Variants in NELL1 observed in about 807,000 individuals in gnomAD.
NELL1 encodes the protein neural EGFL like 1.
Under a neutral mutation model 107.4 loss-of-function variants are expected in NELL1, and 76 were observed. The observed-to-expected ratio is 0.71, with a 90% CI of 0.59 to 0.86. NELL1 has a LOEUF of 0.86. Ranked by LOEUF, NELL1 falls within the 40% of genes least tolerant of loss-of-function variation. The pLI, the probability that NELL1 is intolerant of heterozygous loss-of-function variation, is 0.00. For missense variants in NELL1, 1,024 were observed against 1,005.5 expected (o/e 1.02, Z -0.25); for synonymous variants, 353 against 341.2 (o/e 1.03, Z -0.38).
At chr11:21,414,806 C>T (rs1052375875) in intron 15 of NELL1, among the ~76,000 whole-genome samples, 10 of 152,022 alleles carry the variant, frequency 6.6e-5, no homozygotes, top group African/African-American at 2.4e-5. Context: ...CCCAGATAAT[C>T]CCGGAATAGT....
chr11:21,290,329 A>G (rs1264046397), intron 14 of NELL1, among the ~76,000 whole-genome samples: 1 of 152,008 alleles, frequency 6.6e-6, no homozygotes, highest in Non-Finnish European at 1.5e-5. Flanking sequence ...AGATTGCGCC[A>G]CCGCACTCCA....
intron 2 of NELL1, among the ~76,000 whole-genome samples, chr11:20,761,190 A>G (rs1354912756): frequency 6.6e-6 from 1 of 152,158 alleles, no homozygotes; most frequent in African/African-American, 2.4e-5. Flanking sequence ...TGAAGTGTCA[A>G]TGGTAAGGTG....
chr11:21,326,049 G>GTTTTTGTTTTT (rs1850125089), intron 14 of NELL1, among the ~76,000 whole-genome samples: 1 of 37,384 alleles, frequency 2.7e-5, no homozygotes, highest in Non-Finnish European at 4.7e-5. Context: ...GTTAATCCTA[G>GTTTTTGTTTTT]TTTTTTTTTT....
At chr11:21,327,579 T>A (rs549927072) in intron 14 of NELL1, among the ~76,000 whole-genome samples, 36 of 152,206 alleles carry the variant, frequency 2.4e-4, no homozygotes, top group Non-Finnish European at 4.6e-4. Flanking sequence ...ATACAGTAAA[T>A]TTGTACTGTG....
At chr11:20,983,782 T>TA (rs1380135656) in intron 12 of NELL1, among the ~76,000 whole-genome samples, 5 of 146,592 alleles carry the variant, frequency 3.4e-5, no homozygotes, top group African/African-American at 1.3e-4. Flanking sequence ...CACAGAGTAA[T>TA]CTTTCACAAT....
chr11:21,006,799 C>G (rs76830338), intron 12 of NELL1, among the ~76,000 whole-genome samples: 3,606 of 152,178 alleles, frequency 0.024, 58 homozygotes, highest in South Asian at 0.045. Context: ...TGGTATTACC[C>G]TTTACAAGAC....
chr11:21,411,199 T>A (rs965840233), intron 15 of NELL1, among the ~76,000 whole-genome samples: 1 of 152,096 alleles, frequency 6.6e-6, no homozygotes, highest in African/African-American at 2.4e-5. Flanking sequence ...AGTTCTCTAG[T>A]GTAATGTCCA....
chr11:21,010,547 C>T (rs145341106), intron 12 of NELL1, among the ~76,000 whole-genome samples: 212 of 152,166 alleles, frequency 1.4e-3, no homozygotes, highest in Non-Finnish European at 2.7e-3. Flanking sequence ...ACTGAAGACA[C>T]GTTAATTTAC....
Position 21,095,047 on chromosome 11 carries a change from C to G in NELL1, c.1301-18542C>G, listed in dbSNP as rs116844940. ...TCTGCTTCCCTTATAAAACTCAATGCCTTTAGCAGCAGCCAAGTCACCTCT... is the reference window on the plus strand; with the variant it reads ...TCTGCTTCCCTTATAAAACTCAATGGCTTTAGCAGCAGCCAAGTCACCTCT... On this transcript the variant is annotated intron_variant, in intron 12 of 19. Transcript: ENST00000357134. 0.011 allele frequency among the ~76,000 whole-genome samples: 1,680 copies of G among 152,260 alleles called. 58 individuals carry two copies. In the South Asian group the frequency reaches 0.12, roughly 11 times the overall value.
chr11:20,866,548 A>G (rs945316080), intron 4 of NELL1, among the ~76,000 whole-genome samples: 1 of 152,194 alleles, frequency 6.6e-6, no homozygotes, highest in Admixed American at 6.5e-5. Context: ...TTGTTTTTCA[A>G]CATTCACAGA....
chr11:21,488,391 T>C (rs1854700814), intron 15 of NELL1, among the ~76,000 whole-genome samples: 1 of 152,218 alleles, frequency 6.6e-6, no homozygotes, highest in African/African-American at 2.4e-5. Flanking sequence ...TGTTGGTGGG[T>C]GGGGCCTTCA....
intron 13 of NELL1, among the ~76,000 whole-genome samples, chr11:21,146,397 G>A (rs969859917): frequency 6.6e-6 from 1 of 152,216 alleles, no homozygotes; most frequent in South Asian, 2.1e-4. Flanking sequence ...AGGATGAGGG[G>A]AAGAAATAGT....
At chr11:21,334,631 T>C (rs1035635157) in intron 14 of NELL1, among the ~76,000 whole-genome samples, 4 of 151,996 alleles carry the variant, frequency 2.6e-5, no homozygotes, top group Admixed American at 2.0e-4. Flanking sequence ...TTCAAAAATA[T>C]GTATGGAATA....
intron 2 of NELL1, among the ~76,000 whole-genome samples, chr11:20,713,366 G>C (rs1438706831): frequency 6.6e-6 from 1 of 152,170 alleles, no homozygotes; most frequent in South Asian, 2.1e-4. Flanking sequence ...GTAGAGGGGC[G>C]GTGGTTCTCA....
At chr11:21,301,733 G>T (rs1849495511) in intron 14 of NELL1, among the ~76,000 whole-genome samples, 1 of 152,018 alleles carries the variant, frequency 6.6e-6, no homozygotes, top group South Asian at 2.1e-4. Flanking sequence ...TTGCTGTGCA[G>T]AAGCTCTTTA....
At chr11:21,135,282 C>T (rs554165966) in intron 13 of NELL1, among the ~76,000 whole-genome samples, 1 of 152,248 alleles carries the variant, frequency 6.6e-6, no homozygotes, top group Non-Finnish European at 1.5e-5. Context: ...TATATATCCT[C>T]TTAGGTATGA....
chr11:20,856,064 C>G (rs751746592), intron 4 of NELL1, among the ~76,000 whole-genome samples: 1 of 152,182 alleles, frequency 6.6e-6, no homozygotes, highest in South Asian at 2.1e-4. Context: ...CACAAGAAAA[C>G]AGATTTATAG....
intron 15 of NELL1, among the ~76,000 whole-genome samples, chr11:21,437,661 G>A (rs2133841571): frequency 6.6e-6 from 1 of 152,238 alleles, no homozygotes; most frequent in South Asian, 2.1e-4. Flanking sequence ...GCCTGGCTGA[G>A]CTTCATCTCT....
intron 12 of NELL1, among the ~76,000 whole-genome samples, chr11:21,015,123 T>C (rs1025027839): frequency 2.0e-5 from 3 of 152,136 alleles, no homozygotes; most frequent in African/African-American, 7.2e-5. Flanking sequence ...CTGTTTTCTT[T>C]CTTCTTCCTT....
Sources: gnomAD v4.1 joint callset for allele counts (sites outside exome capture counted in the v4.1 genomes callset) on GRCh38, gnomAD v4.1.1 for gene constraint, MANE v1.5 for transcripts, NCBI Gene and HGNC (gene_info 2026-07-23, HGNC 2026-07-21) for gene names.